LEP: variants seen among roughly 807,000 people sequenced by gnomAD.
LEP encodes leptin, also known as leptin (murine obesity homolog).
LEP carries 6 observed loss-of-function variants against 9.8 expected under a neutral mutation model. That is an observed-to-expected ratio of 0.61 (90% CI 0.34 to 1.21). The LOEUF (loss-of-function observed/expected upper bound fraction) is 1.21. LEP is among the 50% of genes most tolerant of loss of function. LEP has a pLI of 0.04. For synonymous variants in LEP, 112 were observed against 81.7 expected, an observed-to-expected ratio of 1.37 and a Z score of -2.00; for missense variants, 134 against 198.1, an observed-to-expected ratio of 0.68 and a Z score of 1.94.
At chr7:128,251,909 C>A in intron 1 of LEP, 82 bp from the exon 2 acceptor site, 1 of 1,125,248 alleles carries the variant, frequency 8.9e-7, no homozygotes. Flanking sequence ...TCATCCCCGT[C>A]TGGTAATGTG....
chr7:128,246,706 T>C (rs1795215799), intron 1 of LEP, among the ~76,000 whole-genome samples: 1 of 152,030 alleles, frequency 6.6e-6, no homozygotes. Context: ...CAAGCGATCC[T>C]CCTGCCTTGG....
chr7:128,254,403 GCAGT>G lies in LEP; in HGVS notation c.150_153del (p.Val51ProfsTer19). On this transcript the variant is annotated frameshift_variant and splice_region_variant, in exon 3 of 3. Transcript: ENST00000308868. LOFTEE classifies it low-confidence loss of function (END_TRUNC). ...TTGTTCTCCCTCTTCCTCCTGCATA[GCAGT>G]CAGTCTCCTCCAAACAGAAAGTCAC... The G allele has an allele frequency of 6.2e-7, 1 of 1,612,864 alleles. No homozygotes were observed. The highest frequency in any genetic ancestry group is 1.1e-5 in the South Asian group (1 of 91,082).
chr7:128,249,533 G>A (rs574160903), intron 1 of LEP, among the ~76,000 whole-genome samples: 8 of 152,280 alleles, frequency 5.3e-5, no homozygotes, highest in African/African-American at 2.4e-5. Context: ...TATTTCACTG[G>A]CCAGAACTTA....
intron 1 of LEP, among the ~76,000 whole-genome samples, chr7:128,249,689 A>T (rs1795252237): frequency 3.3e-5 from 5 of 152,120 alleles, no homozygotes. Context: ...CCTCTACTAA[A>T]AGGGTGATCT....
At chr7:128,241,737 T>C (rs192460908) in intron 1 of LEP, among the ~76,000 whole-genome samples, 1 of 152,334 alleles carries the variant, frequency 6.6e-6, no homozygotes, top group Admixed American at 6.5e-5. Context: ...ATTGCCTTGC[T>C]CTGCGGGTAG....
chr7:128,244,003 C>T (rs576172645), intron 1 of LEP, among the ~76,000 whole-genome samples: 1 of 152,128 alleles, frequency 6.6e-6, no homozygotes, highest in Admixed American at 6.5e-5. Context: ...AATCCCAGCA[C>T]TTTGGGAGGC....
chr7:128,246,359 A>C (rs1795211091), intron 1 of LEP, among the ~76,000 whole-genome samples: 1 of 152,210 alleles, frequency 6.6e-6, no homozygotes, highest in Non-Finnish European at 1.5e-5. Context: ...CAGAGGACCC[A>C]GGTGGAGGTA....
chr7:128,250,140 C>T (rs1008225824), intron 1 of LEP, among the ~76,000 whole-genome samples: 1 of 152,166 alleles, frequency 6.6e-6, no homozygotes, highest in Admixed American at 6.5e-5. Context: ...CAGCTGGAGC[C>T]GCAGAGCCTA....
intron 1 of LEP, among the ~76,000 whole-genome samples, chr7:128,251,589 G>A (rs1158056177): frequency 5.3e-5 from 8 of 152,206 alleles, no homozygotes. Context: ...AGGGATGAAG[G>A]TGGAGTATTT....
In LEP at chr7:128,255,516, G is replaced by A. The variant is rs1795327748; in HGVS notation, c.*753G>A. On this transcript the variant is annotated 3_prime_UTR_variant, in exon 3 of 3. Transcript: ENST00000308868. Reference sequence around the variant, plus strand: ...GTTACATCACAGTGTTTGCAATGGTGTTGCCCTGAGTGGATCTCCAAGGAC... The same window carrying A: ...GTTACATCACAGTGTTTGCAATGGTATTGCCCTGAGTGGATCTCCAAGGAC... 2 of 152,484 alleles carry A rather than the reference G, an allele frequency of 1.3e-5. No individual in the cohort carries two copies. Among genetic ancestry groups the A allele is most frequent in the African/African-American group, 4.8e-5 (2 of 41,582 alleles). The allele number at this position is 152,484 out of a possible 1,614,324, so 9.4% of individuals were successfully genotyped here.
intron 1 of LEP, among the ~76,000 whole-genome samples, chr7:128,249,648 C>T (rs929873781): frequency 1.3e-5 from 2 of 152,026 alleles, no homozygotes; most frequent in African/African-American, 2.4e-5. Context: ...TGGGGAAGAA[C>T]GGAAGACAAG....
At chr7:128,252,305 A>G (rs1795285063) in intron 2 of LEP, 143 bp downstream of exon 2, 1 of 933,538 alleles carries the variant, frequency 1.1e-6, no homozygotes. Context: ...GAAGGATTTG[A>G]AAGCACAGGG....
chr7:128,254,541 G>A lies in LEP; in HGVS notation c.282G>A (p.Val94=), dbSNP rs768428766. 1.2e-6 allele frequency: 2 copies of A among 1,614,172 alleles called. No individual in the cohort carries two copies. Among genetic ancestry groups the A allele is most frequent in the South Asian group, 1.1e-5 (1 of 91,088 alleles). ...QILTSMPSRN[V]IQISNDLENL... Reference sequence around the variant, plus strand: ...TCACCAGTATGCCTTCCAGAAACGTGATCCAAATATCCAACGACCTGGAGA... The same window carrying A: ...TCACCAGTATGCCTTCCAGAAACGTAATCCAAATATCCAACGACCTGGAGA... Residue 94 remains valine (V), a synonymous_variant, in exon 3 of 3, where the codon GTG becomes GTA. Coordinates refer to ENST00000308868, the MANE Select transcript of LEP (RefSeq NM_000230.3).
At chr7:128,244,871 C>T (rs572057797) in intron 1 of LEP, among the ~76,000 whole-genome samples, 15 of 152,190 alleles carry the variant, frequency 9.9e-5, no homozygotes, top group African/African-American at 3.6e-4. Flanking sequence ...TGCAGCCCCA[C>T]TCTAAATTCC....
rs1022175180 is a variant in LEP, at chr7:128,251,027, C to G, written c.-28-964C>G. Among the ~76,000 whole-genome samples, 6 of 152,192 alleles carry G rather than the reference C, an allele frequency of 3.9e-5. No individual in the cohort carries two copies. The East Asian group carries it at 5.8e-4, about 15-fold the overall frequency. ...GCGTTCTGGGTGAATGTGTTATGCTCTCTCCCGCCACCATGTCTTTATACC... is the reference window on the plus strand; with the variant it reads ...GCGTTCTGGGTGAATGTGTTATGCTGTCTCCCGCCACCATGTCTTTATACC... On this transcript the variant is annotated intron_variant, in intron 1 of 2. Transcript: ENST00000308868.
At chr7:128,252,419 A>C (rs1163648502) in intron 2 of LEP, among the ~76,000 whole-genome samples, 2 of 152,044 alleles carry the variant, frequency 1.3e-5, no homozygotes, top group Admixed American at 1.3e-4. Flanking sequence ...ATTTTGCTAC[A>C]TGTTTCCATT....
intron 1 of LEP, among the ~76,000 whole-genome samples, chr7:128,245,729 G>A (rs1795202889): frequency 6.6e-6 from 1 of 152,190 alleles, no homozygotes; most frequent in Non-Finnish European, 1.5e-5. Context: ...CTGTGGGCAG[G>A]CCTAATCTTG....
chr7:128,245,832 G>A (rs1373705934), intron 1 of LEP, among the ~76,000 whole-genome samples: 2 of 152,080 alleles, frequency 1.3e-5, no homozygotes, highest in African/African-American at 2.4e-5. Context: ...GGGAGGCCGA[G>A]GCGGGTGGAT....
chr7:128,243,780 C>A (rs1268296282), intron 1 of LEP, among the ~76,000 whole-genome samples: 3 of 152,168 alleles, frequency 2.0e-5, no homozygotes, highest in Admixed American at 6.5e-5. Flanking sequence ...AATGGGAAAT[C>A]TTTCATTTAT....
Sources: gnomAD v4.1 joint callset for allele counts (sites outside exome capture counted in the v4.1 genomes callset) on GRCh38, gnomAD v4.1.1 for gene constraint, MANE v1.5 for transcripts, NCBI Gene and HGNC (gene_info 2026-07-23, HGNC 2026-07-21) for gene names.